Variants in DCC observed in about 807,000 individuals in gnomAD.
DCC encodes the protein DCC netrin 1 receptor, also known as netrin receptor DCC.
Under a neutral mutation model 172.5 loss-of-function variants are expected in DCC, and 58 were observed. That is an observed-to-expected ratio of 0.34 (90% CI 0.27 to 0.42). The LOEUF (loss-of-function observed/expected upper bound fraction) is 0.42, where lower values mean the gene tolerates loss of function less well. Ranked by LOEUF, DCC falls within the 10% of genes least tolerant of loss-of-function variation. The probability of loss-of-function intolerance (pLI) is 1.00; values close to 1 mark genes in which losing one functional copy is unlikely to be tolerated. For missense variants in DCC, 1,740 were observed against 1,791.0 expected (o/e 0.97, Z 0.51); for synonymous variants, 709 against 644.5 (o/e 1.10, Z -1.52).
At chr18:53,199,701 T>C (rs906682924) in intron 9 of DCC, among the ~76,000 whole-genome samples, 2 of 152,046 alleles carry the variant, frequency 1.3e-5, no homozygotes, top group African/African-American at 4.8e-5. Flanking sequence ...TGAGTAAGCA[T>C]TTAATAGCTC....
At chr18:53,433,047 T>C (rs1911722892) in intron 21 of DCC, among the ~76,000 whole-genome samples, 1 of 152,096 alleles carries the variant, frequency 6.6e-6, no homozygotes, top group South Asian at 2.1e-4. Flanking sequence ...ATGATTTCCT[T>C]TTGTGATATT....
At chr18:53,170,844 C>A (rs1490479469) in intron 8 of DCC, among the ~76,000 whole-genome samples, 1 of 152,136 alleles carries the variant, frequency 6.6e-6, no homozygotes, top group Non-Finnish European at 1.5e-5. Context: ...ACTACTTACT[C>A]CACAGTCTAC....
chr18:52,883,296 A>G (rs931479206), intron 2 of DCC, among the ~76,000 whole-genome samples: 2 of 134,708 alleles, frequency 1.5e-5, no homozygotes, highest in African/African-American at 5.8e-5. Context: ...TCACTTTGTT[A>G]TTTGTTTTCT....
At chr18:53,223,795 A>G (rs1223863867) in intron 12 of DCC, among the ~76,000 whole-genome samples, 2 of 152,194 alleles carry the variant, frequency 1.3e-5, no homozygotes, top group South Asian at 2.1e-4. Context: ...CAAGCACTTT[A>G]TTGAAAGATT....
chr18:53,429,055 TATATATTTTATATATAATATATA>T (rs1911398340), intron 21 of DCC, among the ~76,000 whole-genome samples: 1 of 18,988 alleles, frequency 5.3e-5, no homozygotes, highest in Non-Finnish European at 3.6e-4. Context: ...TATAATATAT[TATATATTTTATATATAATATATA>T]TTTTATATAA....
chr18:52,845,467 T>C (rs969878753), intron 2 of DCC, among the ~76,000 whole-genome samples: 1 of 152,122 alleles, frequency 6.6e-6, no homozygotes, highest in African/African-American at 2.4e-5. Flanking sequence ...CCTGAGAGGA[T>C]AATAATGATC....
chr18:53,136,884 G>A (rs1266897710), intron 7 of DCC, among the ~76,000 whole-genome samples: 1 of 152,098 alleles, frequency 6.6e-6, no homozygotes, highest in Non-Finnish European at 1.5e-5. Flanking sequence ...TTCTACATAT[G>A]GCAGGAACTT....
intron 12 of DCC, among the ~76,000 whole-genome samples, chr18:53,297,933 G>T (rs1034749078): frequency 6.6e-6 from 1 of 152,110 alleles, no homozygotes; most frequent in African/African-American, 2.4e-5. Flanking sequence ...GAATAAAACT[G>T]ATAATAATCA....
intron 1 of DCC, among the ~76,000 whole-genome samples, chr18:52,501,174 G>A (rs1230382265): frequency 6.6e-6 from 1 of 152,116 alleles, no homozygotes; most frequent in Non-Finnish European, 1.5e-5. Flanking sequence ...TTTCTGTACA[G>A]CCAAGTGCAT....
Position 52,906,138 on chromosome 18 carries a change from A to G in DCC, c.507A>G (p.Pro169=). The change falls in exon 3 of 29, where the codon CCA becomes CCG. Residue 169 remains proline, a synonymous_variant. Coordinates refer to ENST00000442544, the MANE Select transcript of DCC (RefSeq NM_005215.4). ...LKCEVIGEPM[P]TIHWQKNQQD... is the part of the protein sequence containing the mutation. ...GTGAAGTCATTGGGGAGCCCATGCCAACAATCCACTGGCAGAAGAACCAAC... is the reference window on the plus strand; with the variant it reads ...GTGAAGTCATTGGGGAGCCCATGCCGACAATCCACTGGCAGAAGAACCAAC... The G allele has an allele frequency of 6.2e-7, 1 of 1,614,088 alleles. No homozygotes were observed. Among genetic ancestry groups the G allele is most frequent in the South Asian group, 1.1e-5 (1 of 91,074 alleles).
intron 16 of DCC, among the ~76,000 whole-genome samples, chr18:53,388,539 C>T (rs1272531853): frequency 6.6e-6 from 1 of 152,210 alleles, no homozygotes; most frequent in Non-Finnish European, 1.5e-5. Context: ...AGCCTCATCC[C>T]ATACTGGGAA....
chr18:52,664,002 A>G (rs1298476445), intron 1 of DCC, among the ~76,000 whole-genome samples: 2 of 152,226 alleles, frequency 1.3e-5, no homozygotes, highest in Non-Finnish European at 2.9e-5. Flanking sequence ...TTATTTAGAA[A>G]TAAGAGAAGA....
In DCC at chr18:53,203,201, TTGTGTG is replaced by T. The variant is rs66474118; in HGVS notation, c.1574-1986_1574-1981del. Among the ~76,000 whole-genome samples the T allele has an allele frequency of 1.5e-3, 188 of 125,280 alleles. 1 individual carries two copies. The highest frequency in any genetic ancestry group is 0.01 in the South Asian group (44 of 4,358). The allele number at this position is 125,280 out of a possible 152,430, so 82.2% of individuals were successfully genotyped here. ...TTATTCTGATGATATATAGATTCTC[TTGTGTG>T]TGTGTGTGTGTGTGTGTGTGTGTGT... On this transcript the variant is annotated intron_variant, in intron 9 of 28. Coordinates refer to ENST00000442544, the MANE Select transcript of DCC (RefSeq NM_005215.4).
At chr18:53,468,528 A>G (rs948426784) in intron 25 of DCC, among the ~76,000 whole-genome samples, 6 of 151,870 alleles carry the variant, frequency 4.0e-5, no homozygotes, top group Admixed American at 3.3e-4. Context: ...GACTACAGGC[A>G]TGCACCACCA....
chr18:52,762,016 C>A (rs564230845), intron 2 of DCC, among the ~76,000 whole-genome samples: 2 of 151,718 alleles, frequency 1.3e-5, no homozygotes, highest in Non-Finnish European at 2.9e-5. Flanking sequence ...GGTTCTTAAC[C>A]AGCGCTTATT....
intron 14 of DCC, among the ~76,000 whole-genome samples, chr18:53,329,733 C>A (rs2057509128): frequency 6.6e-6 from 1 of 151,858 alleles, no homozygotes; most frequent in Admixed American, 6.6e-5. Context: ...TAAGGATTTT[C>A]TGGGGTGGAA....
intron 2 of DCC, among the ~76,000 whole-genome samples, chr18:52,769,344 T>A (rs1228063991): frequency 6.6e-6 from 1 of 152,238 alleles, no homozygotes; most frequent in Non-Finnish European, 1.5e-5. Context: ...AGAATATCTT[T>A]TCATATGCTT....
intron 7 of DCC, among the ~76,000 whole-genome samples, chr18:53,080,737 A>G (rs559476073): frequency 2.0e-4 from 30 of 152,256 alleles, no homozygotes; most frequent in African/African-American, 6.3e-4. Context: ...AAAGAATTAT[A>G]TGGAAGAGGA....
chr18:52,593,555 ATTAC>A (rs1181428469), intron 1 of DCC, among the ~76,000 whole-genome samples: 2 of 152,184 alleles, frequency 1.3e-5, no homozygotes, highest in African/African-American at 4.8e-5. Flanking sequence ...GTGATTAAAT[ATTAC>A]TTTCATGGTT....
Sources: gnomAD v4.1 joint callset for allele counts (sites outside exome capture counted in the v4.1 genomes callset) on GRCh38, gnomAD v4.1.1 for gene constraint, MANE v1.5 for transcripts, NCBI Gene and HGNC (gene_info 2026-07-23, HGNC 2026-07-21) for gene names.